Variants in ADAMTS19 observed in about 807,000 individuals in gnomAD.
ADAMTS19 encodes the protein A disintegrin and metalloproteinase with thrombospondin motifs 19.
In ADAMTS19, 93 loss-of-function variants were observed where a neutral mutation model predicts 153.3. That is an observed-to-expected ratio of 0.61 (90% CI 0.51 to 0.72). The LOEUF is 0.72. Among genes scored for constraint, ADAMTS19 ranks in the 30% least tolerant of loss-of-function variants. The pLI is 0.00. For synonymous variants in ADAMTS19, 600 were observed against 556.6 expected (o/e 1.08, Z -1.10); for missense variants, 1,482 against 1,552.1 (o/e 0.95, Z 0.76).
intron 7 of ADAMTS19, among the ~76,000 whole-genome samples, chr5:129,568,645 C>A (rs79476293): frequency 6.6e-6 from 1 of 151,886 alleles, no homozygotes; most frequent in Non-Finnish European, 1.5e-5. Context: ...CATAATGAGA[C>A]CTTGTTGCCA....
At chr5:129,684,904 A>G (rs1393367040) in intron 18 of ADAMTS19, among the ~76,000 whole-genome samples, 2 of 151,858 alleles carry the variant, frequency 1.3e-5, no homozygotes, top group African/African-American at 2.4e-5. Flanking sequence ...GGAGAATGGC[A>G]TGAACCTGGG....
intron 16 of ADAMTS19, among the ~76,000 whole-genome samples, chr5:129,679,070 A>G (rs919150398): frequency 6.6e-6 from 1 of 152,196 alleles, no homozygotes; most frequent in Non-Finnish European, 1.5e-5. Flanking sequence ...CACTAATCTT[A>G]TTTAAATTGT....
intron 17 of ADAMTS19, among the ~76,000 whole-genome samples, 167 bp downstream of exon 17, chr5:129,680,088 G>A (rs190230624): frequency 1.3e-5 from 2 of 152,262 alleles, no homozygotes; most frequent in African/African-American, 4.8e-5. Context: ...TTTAAATCAT[G>A]TTGTCTAAAA....
At chr5:129,720,148 G>GTATATATATATATATATATATATA (rs35948614) in intron 21 of ADAMTS19, among the ~76,000 whole-genome samples, 5 of 143,196 alleles carry the variant, frequency 3.5e-5, no homozygotes, top group African/African-American at 1.3e-4. Context: ...ATGTGTGTAT[G>GTATATATATATATATATATATATA]TATATATATA....
intron 6 of ADAMTS19, among the ~76,000 whole-genome samples, chr5:129,546,096 T>C (rs1225735857): frequency 2.7e-5 from 4 of 148,404 alleles, no homozygotes; most frequent in African/African-American, 7.8e-5. Flanking sequence ...GGGACATGGA[T>C]GAAATTGGAA....
At chr5:129,576,769 C>A (rs1754118661) in intron 7 of ADAMTS19, among the ~76,000 whole-genome samples, 1 of 152,154 alleles carries the variant, frequency 6.6e-6, no homozygotes, top group Non-Finnish European at 1.5e-5. Flanking sequence ...GCAACCAGAG[C>A]ACACTGTTGG....
intron 10 of ADAMTS19, among the ~76,000 whole-genome samples, chr5:129,628,233 T>C (rs954849550): frequency 1.3e-5 from 2 of 152,022 alleles, no homozygotes; most frequent in Non-Finnish European, 2.9e-5. Context: ...TTCTCACTGA[T>C]AATTGGGAGC....
At chr5:129,643,012 TA>T (rs890911262) in intron 11 of ADAMTS19, among the ~76,000 whole-genome samples, 6 of 152,056 alleles carry the variant, frequency 3.9e-5, no homozygotes, top group African/African-American at 1.4e-4. Context: ...ATGTAGTTGT[TA>T]AAAAATGAGG....
In ADAMTS19 at chr5:129,714,376, G is replaced by A. The variant is rs546758521; in HGVS notation, c.3312+9985G>A. Among the ~76,000 whole-genome samples the A allele has an allele frequency of 7.7e-3, 1,061 of 136,940 alleles. 20 individuals are homozygous for A. Among genetic ancestry groups the A allele is most frequent in the African/African-American group, 0.029 (1,015 of 35,602 alleles). 89.8% of individuals were successfully genotyped at this position (136,940 alleles called of 152,430 possible). A position where few individuals can be genotyped will look rare whatever the true frequency, so the allele number is the denominator to read the frequency against. On this transcript the variant is annotated intron_variant, in intron 21 of 22. Coordinates refer to ENST00000274487, the MANE Select transcript of ADAMTS19 (RefSeq NM_133638.6). ...GGAGCTTGCAGTGAGCCGAGATTGCGCCACTGCAGTCCGCAGTCCGGCCTG... is the reference window on the plus strand; with the variant it reads ...GGAGCTTGCAGTGAGCCGAGATTGCACCACTGCAGTCCGCAGTCCGGCCTG...
chr5:129,482,168 T>G (rs924346661), intron 2 of ADAMTS19, among the ~76,000 whole-genome samples: 2 of 152,214 alleles, frequency 1.3e-5, no homozygotes, highest in Admixed American at 1.3e-4. Flanking sequence ...AGCCTTCTAG[T>G]ACTTCATTTT....
chr5:129,482,769 C>G (rs1309222126), intron 2 of ADAMTS19, among the ~76,000 whole-genome samples: 4 of 152,110 alleles, frequency 2.6e-5, no homozygotes, highest in African/African-American at 4.8e-5. Context: ...TAGTTATTAC[C>G]AACTTCTTAT....
At chr5:129,480,272 A>G (rs1284547599) in intron 2 of ADAMTS19, among the ~76,000 whole-genome samples, 3 of 152,188 alleles carry the variant, frequency 2.0e-5, no homozygotes, top group African/African-American at 7.2e-5. Context: ...CTGCCTCACA[A>G]CAGCCACAAA....
chr5:129,535,307 A>C (rs141857418), intron 6 of ADAMTS19, among the ~76,000 whole-genome samples: 7,475 of 152,248 alleles, frequency 0.049, 247 homozygotes, highest in African/African-American at 0.089. Flanking sequence ...ACTCCCATTC[A>C]CAATTGGCTT....
At chr5:129,527,633 T>TAA (rs373626538) in intron 4 of ADAMTS19, 115 bp from the exon 5 acceptor site, 6,085 of 164,888 alleles carry the variant, frequency 0.037, 300 homozygotes, top group African/African-American at 0.13. Flanking sequence ...TTTTTTTTTT[T>TAA]AAAAAAAAAA....
chr5:129,512,227 C>T (rs1233989563), intron 3 of ADAMTS19, among the ~76,000 whole-genome samples: 1 of 152,036 alleles, frequency 6.6e-6, no homozygotes, highest in Non-Finnish European at 1.5e-5. Context: ...ATGTAGAGAT[C>T]ATCTATCTCC....
chr5:129,570,384 A>G (rs1753854568), intron 7 of ADAMTS19, among the ~76,000 whole-genome samples: 2 of 151,914 alleles, frequency 1.3e-5, no homozygotes, highest in South Asian at 4.1e-4. Context: ...AATAAAATAG[A>G]TAATCTGAGC....
At chr5:129,724,723 G>A (rs957975637) in intron 21 of ADAMTS19, among the ~76,000 whole-genome samples, 64 of 152,288 alleles carry the variant, frequency 4.2e-4, no homozygotes, top group African/African-American at 1.4e-3. Flanking sequence ...GTGAAATGCA[G>A]GAGGTTTTAT....
chr5:129,674,077 A>G (rs1754437955), intron 16 of ADAMTS19, among the ~76,000 whole-genome samples: 1 of 152,062 alleles, frequency 6.6e-6, no homozygotes, highest in South Asian at 2.1e-4. Context: ...CTACAAATAC[A>G]AAAATTAGCC....
intron 2 of ADAMTS19, among the ~76,000 whole-genome samples, chr5:129,473,301 G>A (rs932843964): frequency 1.8e-4 from 27 of 152,010 alleles, no homozygotes; most frequent in Admixed American, 1.5e-3. Context: ...GGATTTGAAT[G>A]TTATGTAAAA....
Sources: gnomAD v4.1 joint callset for allele counts (sites outside exome capture counted in the v4.1 genomes callset) on GRCh38, gnomAD v4.1.1 for gene constraint, MANE v1.5 for transcripts, NCBI Gene and HGNC (gene_info 2026-07-23, HGNC 2026-07-21) for gene names.